Variants in NEMP1 observed in about 807,000 individuals in gnomAD.
NEMP1 encodes the protein transmembrane protein 194.
NEMP1 carries 29 observed loss-of-function variants against 53.7 expected under a neutral mutation model. The observed-to-expected ratio is 0.54, with a 90% CI of 0.40 to 0.74. The LOEUF (loss-of-function observed/expected upper bound fraction) is 0.74, where lower values mean the gene tolerates loss of function less well. Among genes scored for constraint, NEMP1 ranks in the 30% least tolerant of loss-of-function variants. NEMP1 has a pLI of 0.00. For synonymous variants in NEMP1, 193 were observed against 192.9 expected (o/e 1.00, Z 0.00); for missense variants, 477 against 528.6 (o/e 0.90, Z 0.96).
intron 1 of NEMP1, among the ~76,000 whole-genome samples, chr12:57,075,005 G>A (rs1398737918): frequency 1.3e-5 from 2 of 151,998 alleles, no homozygotes; most frequent in African/African-American, 2.4e-5. Context: ...CAGAAGAATC[G>A]CTTGAACCTG....
chr12:57,061,997 CA>C (rs368164040), intron 7 of NEMP1, among the ~76,000 whole-genome samples: 7 of 147,346 alleles, frequency 4.8e-5, no homozygotes, highest in Middle Eastern at 3.5e-3. Context: ...GACTCCATCT[CA>C]AAAAAAAAAG....
chr12:57,069,384 A>T, intron 3 of NEMP1, 78 bp from the exon 4 acceptor site: 1 of 905,742 alleles, frequency 1.1e-6, no homozygotes, highest in Non-Finnish European at 1.6e-6. Context: ...CAACGTTGGC[A>T]CTATTGGTCA....
chr12:57,084,711 A>T (rs536473473), intron 1 of NEMP1, among the ~76,000 whole-genome samples: 1 of 152,280 alleles, frequency 6.6e-6, no homozygotes, highest in African/African-American at 2.4e-5. Flanking sequence ...ATGATCTAAA[A>T]CTCAGAGGCA....
chr12:57,079,817 C>G (rs150276672), upstream of NEMP1, among the ~76,000 whole-genome samples: 60 of 152,132 alleles, frequency 3.9e-4, 2 homozygotes, highest in South Asian at 2.9e-3. Flanking sequence ...GACACCCAAG[C>G]TGGAGTGCAA....
chr12:57,059,816 C>T lies in NEMP1; in HGVS notation c.*63G>A. On this transcript the variant is annotated 3_prime_UTR_variant, in exon 9 of 9. Coordinates refer to ENST00000300128, the MANE Select transcript of NEMP1 (RefSeq NM_001130963.2). Reference sequence around the variant, plus strand: ...TGTTTCAAAGGGTTGAAAGCAATTGCACAACACATGCAACATGGACCAAGG... The same window carrying T: ...TGTTTCAAAGGGTTGAAAGCAATTGTACAACACATGCAACATGGACCAAGG... 6.9e-7 allele frequency: 1 copy of T among 1,457,548 alleles called. No homozygotes were observed. Among genetic ancestry groups the T allele is most frequent in the South Asian group, 1.2e-5 (1 of 80,904 alleles). 90.3% of individuals were successfully genotyped at this position (1,457,548 alleles called of 1,614,324 possible). A position where few individuals can be genotyped will look rare whatever the true frequency, so the allele number is the denominator to read the frequency against.
intron 1 of NEMP1, among the ~76,000 whole-genome samples, chr12:57,086,903 G>A (rs2033011442): frequency 6.6e-6 from 1 of 152,252 alleles, no homozygotes; most frequent in Non-Finnish European, 1.5e-5. Context: ...AATATGCTTA[G>A]CATTCTACAA....
upstream of NEMP1, among the ~76,000 whole-genome samples, chr12:57,079,206 A>G (rs905662187): frequency 6.6e-6 from 1 of 152,188 alleles, no homozygotes; most frequent in African/African-American, 2.4e-5. Context: ...AGATCGCTTT[A>G]TGAGTAGGAC....
At chr12:57,061,802 T>C (rs2031822464) in intron 7 of NEMP1, among the ~76,000 whole-genome samples, 1 of 151,220 alleles carries the variant, frequency 6.6e-6, no homozygotes, top group Non-Finnish European at 1.5e-5. Context: ...ATTGAGACTA[T>C]CCTGGCCAAC....
intron 1 of NEMP1, among the ~76,000 whole-genome samples, chr12:57,073,327 T>C (rs1214327788): frequency 2.6e-5 from 4 of 152,056 alleles, no homozygotes; most frequent in African/African-American, 9.7e-5. Context: ...AATTTTTTTT[T>C]TTGTATTAAG....
chr12:57,070,846 A>G lies in NEMP1; in HGVS notation c.300T>C (p.Asn100=). 6.2e-7 allele frequency: 1 copy of G among 1,614,182 alleles called. No individual in the cohort carries two copies. Among genetic ancestry groups the G allele is most frequent in the Non-Finnish European group, 8.5e-7 (1 of 1,180,026 alleles). ...SRLVRVTQVE[N]EEKLKELEQF... Reference sequence around the variant, plus strand: ...GCTCTAGCTCCTTCAGTTTCTCCTCATTCTCCACCTGGGTGACTCGAACCA... The same window carrying G: ...GCTCTAGCTCCTTCAGTTTCTCCTCGTTCTCCACCTGGGTGACTCGAACCA... Residue 100 remains asparagine, a synonymous_variant, in exon 3 of 9, where the codon AAT becomes AAC. Transcript: ENST00000300128.
chr12:57,066,278 A>C (rs537754988), intron 4 of NEMP1, among the ~76,000 whole-genome samples: 14 of 152,246 alleles, frequency 9.2e-5, no homozygotes, highest in East Asian at 1.9e-4. Context: ...AACAAACAAA[A>C]AAAGAGTTGT....
intron 4 of NEMP1, among the ~76,000 whole-genome samples, chr12:57,068,803 T>C (rs1422464788): frequency 1.3e-5 from 2 of 152,174 alleles, no homozygotes; most frequent in Non-Finnish European, 2.9e-5. Flanking sequence ...CCTGACCTCA[T>C]GATCCGCCAG....
At chr12:57,080,943 G>A (rs143256165), upstream of NEMP1, among the ~76,000 whole-genome samples, 662 of 150,824 alleles carry the variant, frequency 4.4e-3, 10 homozygotes, top group African/African-American at 0.014. Context: ...GGCAAGAGAA[G>A]AGATTTCATT....
intron 1 of NEMP1, among the ~76,000 whole-genome samples, chr12:57,074,135 G>GTT (rs377190460): frequency 1.4e-5 from 2 of 142,256 alleles, no homozygotes; most frequent in South Asian, 2.3e-4. Flanking sequence ...CACCCAGCTA[G>GTT]TTTTTTTTTT....
In NEMP1 at chr12:57,056,740, A is replaced by G. The variant is rs1268704483; in HGVS notation, c.*3139T>C. On this transcript the variant is annotated 3_prime_UTR_variant, in exon 9 of 9. Coordinates refer to ENST00000300128, the MANE Select transcript of NEMP1 (RefSeq NM_001130963.2). ...TAATGCATTCCCAAGCCTTTTATGG[A>G]TATCAGGGCCTGGGGGGACTATCTG... The G allele has an allele frequency of 6.6e-6, 1 of 152,082 alleles. No homozygotes were observed. The highest frequency in any genetic ancestry group is 1.5e-5 in the Non-Finnish European group (1 of 68,030). The allele number at this position is 152,082 out of a possible 1,614,324, so 9.4% of individuals were successfully genotyped here. A position where few individuals can be genotyped will look rare whatever the true frequency, so the allele number is the denominator to read the frequency against.
At chr12:57,077,877 T>C (rs2032707024) in intron 1 of NEMP1, among the ~76,000 whole-genome samples, 1 of 151,968 alleles carries the variant, frequency 6.6e-6, no homozygotes, top group African/African-American at 2.4e-5. Flanking sequence ...AGGTCAGGAG[T>C]TCGAGACCAC....
upstream of NEMP1, among the ~76,000 whole-genome samples, chr12:57,082,824 C>A (rs142837309): frequency 0.011 from 1,660 of 149,356 alleles, 25 homozygotes; most frequent in Middle Eastern, 0.077. Context: ...CCAGCCTGGG[C>A]AACATAGTGA....
In NEMP1 at chr12:57,059,885, T is replaced by G; in HGVS notation, c.1329A>C (p.Leu443=). 3 of 1,613,388 alleles carry G rather than the reference T, an allele frequency of 1.9e-6. No individual in the cohort carries two copies. Among genetic ancestry groups the G allele is most frequent in the Non-Finnish European group, 8.5e-7 (1 of 1,179,710 alleles). Reference sequence around the variant, plus strand: ...AAAGATAACTGACCACTACCTAGGTTAGAAAGTTGTTCTGTGTGATAGCAG... The same window carrying G: ...AAAGATAACTGACCACTACCTAGGTGAGAAAGTTGTTCTGTGTGATAGCAG... ...RCPAITQNNF[L]T The change falls in exon 9 of 9, where the codon CTA becomes CTC. Residue 443 remains leucine (L), a synonymous_variant. Coordinates refer to ENST00000300128, the MANE Select transcript of NEMP1 (RefSeq NM_001130963.2).
At position 57,084,379 on chromosome 12, in the gene NEMP1, T is replaced by C. The variant is rs1302746923; in HGVS notation, n.113+3572A>G. Among the ~76,000 whole-genome samples the C allele has an allele frequency of 8.5e-5, 13 of 152,328 alleles. No homozygotes were observed. The East Asian group carries it at 2.5e-3, about 29-fold the overall frequency. Reference sequence around the variant, plus strand: ...TTGAGAAGGAACACTCCATTCCACATACTCAGTCACCCAAGCTAGGAGCCT... The same window carrying C: ...TTGAGAAGGAACACTCCATTCCACACACTCAGTCACCCAAGCTAGGAGCCT... On this transcript the variant is annotated intron_variant and non_coding_transcript_variant, in intron 1 of 2. Transcript: ENST00000553654.
Sources: gnomAD v4.1 joint callset for allele counts (sites outside exome capture counted in the v4.1 genomes callset) on GRCh38, gnomAD v4.1.1 for gene constraint, MANE v1.5 for transcripts, NCBI Gene and HGNC (gene_info 2026-07-23, HGNC 2026-07-21) for gene names.